SNRPN: variants seen among roughly 807,000 people sequenced by gnomAD.
SNRPN encodes the protein small nuclear ribonucleoprotein polypeptide N.
In SNRPN, 7 loss-of-function variants were observed where a neutral mutation model predicts 25.2. The observed-to-expected ratio is 0.28, with a 90% confidence interval of 0.16 to 0.52. The LOEUF (loss-of-function observed/expected upper bound fraction) is 0.52. SNRPN is among the 20% of genes least tolerant of loss of function. The pLI is 0.96. For synonymous variants in SNRPN, 124 were observed against 110.6 expected, an observed-to-expected ratio of 1.12 and a Z score of -0.76; for missense variants, 196 against 322.5, an observed-to-expected ratio of 0.61 and a Z score of 3.00.
At chr15:24,891,502 A>G (rs1487550388) in intron 2 of SNRPN, among the ~76,000 whole-genome samples, 2 of 151,812 alleles carry the variant, frequency 1.3e-5, no homozygotes, top group Non-Finnish European at 2.9e-5. Context: ...CAATGGCGCA[A>G]TCTCAGCTCA....
chr15:24,954,789 G>GC (rs2062563941), upstream of SNRPN: 3 of 565,774 alleles, frequency 5.3e-6, no homozygotes, highest in Non-Finnish European at 6.3e-6. Context: ...GTTTCTAGAG[G>GC]CCCCCTCTCA....
intron 1 of SNRPN, among the ~76,000 whole-genome samples, chr15:24,868,248 T>A (rs930052111): frequency 1.3e-5 from 2 of 152,154 alleles, no homozygotes; most frequent in African/African-American, 4.8e-5. Context: ...TATAGGCAAC[T>A]CACACTACTT....
intron 2 of SNRPN, among the ~76,000 whole-genome samples, chr15:24,898,300 A>G (rs1040990605): frequency 1.3e-5 from 2 of 152,214 alleles, no homozygotes; most frequent in Non-Finnish European, 2.9e-5. Flanking sequence ...TATAAGTAGT[A>G]TATATTGAGC....
chr15:24,838,404 G>C (rs1312156161), intron 2 of SNRPN, among the ~76,000 whole-genome samples: 1 of 152,040 alleles, frequency 6.6e-6, no homozygotes, highest in Non-Finnish European at 1.5e-5. Context: ...ACAGTTTATA[G>C]AGTTTCAACA....
chr15:24,897,357 T>G (rs1261428225), intron 2 of SNRPN, among the ~76,000 whole-genome samples: 1 of 151,912 alleles, frequency 6.6e-6, no homozygotes, highest in Non-Finnish European at 1.5e-5. Context: ...GAAACCAAGG[T>G]GGGGGGAATC....
At chr15:24,956,357 G>GGGGGGC (rs1555404332) in intron 1 of SNRPN, among the ~76,000 whole-genome samples, 1 of 151,704 alleles carries the variant, frequency 6.6e-6, no homozygotes, top group Admixed American at 6.6e-5. Context: ...GCTTCAGCGG[G>GGGGGGC]GGGGTGGCCG....
intron 2 of SNRPN, among the ~76,000 whole-genome samples, chr15:24,965,481 G>A (rs2075479866): frequency 6.6e-6 from 1 of 152,144 alleles, no homozygotes; most frequent in African/African-American, 2.4e-5. Context: ...AGGTTGCAGT[G>A]AGCCGAGATG....
chr15:24,892,306 A>G (rs1487490914), intron 2 of SNRPN, among the ~76,000 whole-genome samples: 2 of 152,300 alleles, frequency 1.3e-5, no homozygotes, highest in East Asian at 3.9e-4. Flanking sequence ...GAAGACAGAG[A>G]GATGGAGAAG....
chr15:24,893,166 C>A (rs2057807848), intron 2 of SNRPN, among the ~76,000 whole-genome samples: 1 of 152,076 alleles, frequency 6.6e-6, no homozygotes, highest in Non-Finnish European at 1.5e-5. Flanking sequence ...CGAAATCGAG[C>A]CACTGCACTC....
At chr15:24,883,494 C>G (rs1299263037) in intron 1 of SNRPN, among the ~76,000 whole-genome samples, 1 of 152,084 alleles carries the variant, frequency 6.6e-6, no homozygotes, top group Non-Finnish European at 1.5e-5. Flanking sequence ...CCACTCTTGA[C>G]CACTGCACTC....
chr15:24,831,163 C>G (rs2050484465), intron 2 of SNRPN, among the ~76,000 whole-genome samples: 1 of 151,934 alleles, frequency 6.6e-6, no homozygotes, highest in Non-Finnish European at 1.5e-5. Flanking sequence ...CTTGGAAAAT[C>G]GATCCCTTTA....
chr15:24,969,565 A>G (rs566354490), intron 3 of SNRPN, among the ~76,000 whole-genome samples: 1 of 152,182 alleles, frequency 6.6e-6, no homozygotes, highest in Non-Finnish European at 1.5e-5. Flanking sequence ...TCCCTTGAGT[A>G]AGGGAATTTT....
chr15:24,901,930 G>C (rs2058485669), intron 2 of SNRPN, among the ~76,000 whole-genome samples: 1 of 152,162 alleles, frequency 6.6e-6, no homozygotes. Flanking sequence ...GGTTGTGGAG[G>C]AAGAAATGAG....
intron 3 of SNRPN, among the ~76,000 whole-genome samples, chr15:24,970,463 C>T (rs1490206866): frequency 6.6e-6 from 1 of 151,964 alleles, no homozygotes; most frequent in African/African-American, 2.4e-5. Flanking sequence ...CCTGTAATCC[C>T]AGCTACTCGG....
intron 2 of SNRPN, among the ~76,000 whole-genome samples, chr15:24,845,474 T>C (rs1255501819): frequency 6.6e-6 from 1 of 152,084 alleles, no homozygotes; most frequent in Non-Finnish European, 1.5e-5. Context: ...GGCACATGCC[T>C]GTAATCCCAG....
intron 3 of SNRPN, among the ~76,000 whole-genome samples, chr15:24,939,396 T>C (rs565778393): frequency 1.3e-5 from 2 of 152,320 alleles, no homozygotes; most frequent in Non-Finnish European, 2.9e-5. Context: ...TGGAGAATTC[T>C]TATTAAGACG....
chr15:24,918,618 A>G (rs1213112360), intron 2 of SNRPN, among the ~76,000 whole-genome samples: 1 of 78,638 alleles, frequency 1.3e-5, no homozygotes, highest in African/African-American at 5.9e-5. Flanking sequence ...CATAATATAT[A>G]TGTGTGTATA....
intron 2 of SNRPN, among the ~76,000 whole-genome samples, chr15:24,844,216 G>C (rs1199087663): frequency 6.6e-6 from 1 of 151,930 alleles, no homozygotes; most frequent in Non-Finnish European, 1.5e-5. Flanking sequence ...AATAATTCCA[G>C]TAGGGACATA....
intron 1 of SNRPN, among the ~76,000 whole-genome samples, chr15:24,828,551 A>T (rs2050262250): frequency 6.6e-6 from 1 of 152,150 alleles, no homozygotes; most frequent in South Asian, 2.1e-4. Flanking sequence ...CGTCTCGAAA[A>T]AAACAAGAAA....
Sources: gnomAD v4.1 joint callset for allele counts (sites outside exome capture counted in the v4.1 genomes callset) on GRCh38, gnomAD v4.1.1 for gene constraint, MANE v1.5 for transcripts, NCBI Gene and HGNC (gene_info 2026-07-23, HGNC 2026-07-21) for gene names.